DNAH8: variants seen among roughly 807,000 people sequenced by gnomAD.
DNAH8 encodes the protein axonemal beta dynein heavy chain 8.
DNAH8 carries 382 observed loss-of-function variants against 562.1 expected under a neutral mutation model. That is an observed-to-expected ratio of 0.68 (90% confidence interval 0.63 to 0.74). The LOEUF is 0.74. DNAH8 is among the 30% of genes least tolerant of loss of function. The pLI is 0.00. For missense variants in DNAH8, 5,203 were observed against 5,620.4 expected, an observed-to-expected ratio of 0.93 and a Z score of 2.37; for synonymous variants, 1,881 against 1,919.4, an observed-to-expected ratio of 0.98 and a Z score of 0.52.
intron 76 of DNAH8, among the ~76,000 whole-genome samples, chr6:38,932,352 C>G (rs1317052215): frequency 2.0e-5 from 3 of 152,136 alleles, no homozygotes; most frequent in Admixed American, 6.5e-5. Context: ...AATGGCTCTT[C>G]TTTCCACTGT....
intron 77 of DNAH8, among the ~76,000 whole-genome samples, chr6:38,936,643 G>C (rs1782995175): frequency 6.6e-6 from 1 of 152,142 alleles, no homozygotes; most frequent in Non-Finnish European, 1.5e-5. Flanking sequence ...TAGTGAAGTT[G>C]TCTGTTTCTT....
chr6:38,821,752 G>A (rs1772865961), intron 26 of DNAH8, among the ~76,000 whole-genome samples: 1 of 152,132 alleles, frequency 6.6e-6, no homozygotes, highest in South Asian at 2.1e-4. Context: ...TGTGGAGATA[G>A]GATTTTGCCA....
intron 11 of DNAH8, among the ~76,000 whole-genome samples, chr6:38,765,507 G>T (rs1766908707): frequency 6.6e-6 from 1 of 152,076 alleles, no homozygotes; most frequent in African/African-American, 2.4e-5. Flanking sequence ...TTATTGTTTT[G>T]CATGTGGATA....
At chr6:38,915,102 T>C in intron 67 of DNAH8, 99 bp from the exon 68 acceptor site, 2 of 1,059,708 alleles carry the variant, frequency 1.9e-6, no homozygotes, top group Non-Finnish European at 2.7e-6. Flanking sequence ...CTTATTCGTG[T>C]TTTATATTAT....
chr6:38,821,234 C>T (rs1583096817), intron 26 of DNAH8, among the ~76,000 whole-genome samples: 1 of 152,016 alleles, frequency 6.6e-6, no homozygotes, highest in Non-Finnish European at 1.5e-5. Flanking sequence ...TGAAATAAAA[C>T]AATTTAATGC....
chr6:38,903,620 T>TTTC (rs1374128339), intron 62 of DNAH8, among the ~76,000 whole-genome samples: 2 of 148,058 alleles, frequency 1.4e-5, no homozygotes, highest in Admixed American at 1.3e-4. Flanking sequence ...TCCTTTTTTT[T>TTTC]TTTTTTTTTT....
At position 38,925,980 on chromosome 6, in the gene DNAH8, T is replaced by G. The variant is rs1782083159; in HGVS notation, c.10963-75T>G. 4 of 1,315,066 alleles carry G rather than the reference T, an allele frequency of 3.0e-6. No homozygotes were observed. The Admixed American group carries it at 9.7e-5, about 32-fold the overall frequency. The allele number at this position is 1,315,066 out of a possible 1,614,324, so 81.5% of individuals were successfully genotyped here. A position where few individuals can be genotyped will look rare whatever the true frequency, so the allele number is the denominator to read the frequency against. On this transcript the variant is annotated intron_variant, in intron 73 of 92. Coordinates refer to ENST00000327475, the MANE Select transcript of DNAH8 (RefSeq NM_001206927.2). ...TGTCCACATTTTAAATTATTTTACT[T>G]TACAGTACTTTTAATTACTAATGAG...
chr6:38,741,990 G>C, intron 8 of DNAH8, 103 bp downstream of exon 8: 1 of 925,854 alleles, frequency 1.1e-6, no homozygotes, highest in Non-Finnish European at 1.6e-6. Flanking sequence ...ATCGTGTTTA[G>C]AAGTGTTAGC....
intron 74 of DNAH8, among the ~76,000 whole-genome samples, chr6:38,926,688 A>G (rs963364883): frequency 3.0e-4 from 46 of 152,218 alleles, no homozygotes; most frequent in African/African-American, 1.0e-3. Flanking sequence ...TTCTGTTACT[A>G]TTGATATTTT....
At chr6:38,937,438 G>T (rs922942695) in intron 77 of DNAH8, among the ~76,000 whole-genome samples, 1 of 152,134 alleles carries the variant, frequency 6.6e-6, no homozygotes, top group Admixed American at 6.5e-5. Context: ...TACCCAATTT[G>T]CTCTTGTTAG....
chr6:39,005,629 T>G (rs1032446853), intron 88 of DNAH8, among the ~76,000 whole-genome samples: 1 of 152,158 alleles, frequency 6.6e-6, no homozygotes, highest in Admixed American at 6.5e-5. Context: ...TATTGACCCA[T>G]CTGTATTTCT....
At chr6:38,887,412 A>T (rs1779009114) in intron 57 of DNAH8, among the ~76,000 whole-genome samples, 1 of 152,254 alleles carries the variant, frequency 6.6e-6, no homozygotes, top group South Asian at 2.1e-4. Context: ...CACATAAATT[A>T]TGCCATCAAA....
intron 82 of DNAH8, among the ~76,000 whole-genome samples, chr6:38,964,362 C>A (rs1740452952): frequency 2.2e-5 from 1 of 45,888 alleles, no homozygotes; most frequent in Admixed American, 2.4e-4. Context: ...GGGGGCTGAC[C>A]CCCCCACCTC....
In DNAH8 at chr6:38,822,930, C is replaced by T; in HGVS notation, c.3616C>T (p.Leu1206Phe). ...GGATATTTCTAAGTTGGTCCTGCTC[C>T]TTTCTTCCTCTGTAAATTCCCTAAG... ...HKDISKLVLL[L>F]SSSVNSLRKA... The change falls in exon 27 of 93, where the codon CTT (leucine) becomes TTT (phenylalanine). Residue 1206 changes from leucine to phenylalanine, a missense_variant. Physicochemically the swap from Leu to Phe is conservative, Grantham distance 22 (BLOSUM62 0). Around this residue, in one of 6 missense-constraint regions of DNAH8, gnomAD observed 2,176 missense variants for 2,365.1 expected, o/e 0.92. Transcript: ENST00000327475. 4 of 1,613,692 alleles carry T rather than the reference C, an allele frequency of 2.5e-6. No individual in the cohort carries two copies. The highest frequency in any genetic ancestry group is 1.1e-5 in the South Asian group (1 of 91,004).
chr6:38,958,070 C>T (rs970980386), intron 82 of DNAH8, among the ~76,000 whole-genome samples: 12 of 147,886 alleles, frequency 8.1e-5, no homozygotes, highest in African/African-American at 1.8e-4. Context: ...GGTGAGATCT[C>T]GGCTCACTGC....
intron 79 of DNAH8, 116 bp from the exon 80 acceptor site, chr6:38,945,351 C>A: frequency 9.1e-7 from 1 of 1,098,722 alleles, no homozygotes; most frequent in Non-Finnish European, 1.3e-6. Context: ...TTATTATTTT[C>A]CAATTTTCCT....
At chr6:38,906,765 C>G (rs1270904772) in intron 63 of DNAH8, among the ~76,000 whole-genome samples, 1 of 152,130 alleles carries the variant, frequency 6.6e-6, no homozygotes, top group African/African-American at 2.4e-5. Context: ...ACTGCCACTT[C>G]TGAAACCGCT....
At position 38,780,193 on chromosome 6, in the gene DNAH8, G is replaced by A. The variant is rs79337231; in HGVS notation, c.2139+128G>A. On this transcript the variant is annotated intron_variant, in intron 15 of 92. Transcript: ENST00000327475. Reference sequence around the variant, plus strand: ...TCTTTCTCTGCTAAGGAGCATTGACGCTCCCTTCTGTGTGGGAAGGTGCTT... The same window carrying A: ...TCTTTCTCTGCTAAGGAGCATTGACACTCCCTTCTGTGTGGGAAGGTGCTT... 4,913 of 882,366 alleles carry A rather than the reference G, an allele frequency of 5.6e-3. 160 individuals are homozygous for A. The African/African-American group carries it at 0.07, about 13-fold the overall frequency. The allele number at this position is 882,366 out of a possible 1,614,324, so 54.7% of individuals were successfully genotyped here.
intron 73 of DNAH8, among the ~76,000 whole-genome samples, chr6:38,925,734 A>G (rs1466904401): frequency 6.6e-6 from 1 of 152,102 alleles, no homozygotes; most frequent in African/African-American, 2.4e-5. Flanking sequence ...TATATTCACT[A>G]TCTCCATTAA....
Sources: gnomAD v4.1 joint callset for allele counts (sites outside exome capture counted in the v4.1 genomes callset) on GRCh38, gnomAD v4.1.1 for gene constraint, gnomAD v4.1.1 regional missense constraint, MANE v1.5 for transcripts, NCBI Gene and HGNC (gene_info 2026-07-23, HGNC 2026-07-21) for gene names.